RBL1: variants seen among roughly 807,000 people sequenced by gnomAD.
RBL1 encodes the protein RB transcriptional corepressor like 1.
Under a neutral mutation model 123.0 loss-of-function variants are expected in RBL1, and 82 were observed. The ratio of observed to expected loss-of-function variants is 0.67; its 90% CI spans 0.56 to 0.80. RBL1 has a LOEUF of 0.80. RBL1 is among the 30% of genes least tolerant of loss of function. The probability of loss-of-function intolerance (pLI) is 0.00; values close to 1 mark genes in which losing one functional copy is unlikely to be tolerated. For missense variants in RBL1, 1,171 were observed against 1,299.6 expected (o/e 0.90, Z 1.52); for synonymous variants, 405 against 441.3 (o/e 0.92, Z 1.03).
At chr20:37,065,306 G>C in intron 7 of RBL1, 118 bp downstream of exon 7, 1 of 668,172 alleles carries the variant, frequency 1.5e-6, no homozygotes, top group Non-Finnish European at 2.5e-6. Flanking sequence ...CACTAAAGCA[G>C]AGAGAACTTG....
At chr20:37,049,733 AAACT>A (rs769022172) in intron 11 of RBL1, 1 of 598,668 alleles carries the variant, frequency 1.7e-6, no homozygotes, top group Non-Finnish European at 3.0e-6. Flanking sequence ...TAAAAGATAT[AAACT>A]AACATTTAAA....
intron 17 of RBL1, among the ~76,000 whole-genome samples, chr20:37,021,152 A>C (rs916466403): frequency 6.6e-6 from 1 of 152,226 alleles, no homozygotes; most frequent in African/African-American, 2.4e-5. Context: ...CTGAGTGGCT[A>C]TTACAGGATT....
intron 9 of RBL1, among the ~76,000 whole-genome samples, chr20:37,059,222 C>CA (rs1309550497): frequency 6.6e-6 from 1 of 152,170 alleles, no homozygotes; most frequent in Admixed American, 6.5e-5. Context: ...ATCTTACTGG[C>CA]AGTATGCTTT....
chr20:37,001,019 G>C (rs1291791208), intron 21 of RBL1, among the ~76,000 whole-genome samples: 3 of 142,322 alleles, frequency 2.1e-5, no homozygotes, highest in Non-Finnish European at 4.6e-5. Flanking sequence ...ATCCGGGAGG[G>C]AGGTGGGGGG....
chr20:37,049,784 C>T (rs1408535363), intron 11 of RBL1: 1 of 501,094 alleles, frequency 2.0e-6, no homozygotes, highest in Non-Finnish European at 3.5e-6. Flanking sequence ...GAAAAAAGGC[C>T]AGACATGGTG....
At chr20:37,031,723 G>C (rs986060261) in intron 16 of RBL1, among the ~76,000 whole-genome samples, 2 of 152,054 alleles carry the variant, frequency 1.3e-5, no homozygotes, top group Admixed American at 1.3e-4. Flanking sequence ...GCAGAGACTT[G>C]AATAGATATT....
intron 16 of RBL1, among the ~76,000 whole-genome samples, chr20:37,029,037 G>C (rs2064465531): frequency 6.6e-6 from 1 of 152,052 alleles, no homozygotes; most frequent in African/African-American, 2.4e-5. Context: ...TAGAAGGTAA[G>C]GATAATTTAA....
intron 21 of RBL1, among the ~76,000 whole-genome samples, chr20:36,999,499 GTCTCCC>G (rs1170137801): frequency 2.1e-5 from 3 of 141,972 alleles, no homozygotes; most frequent in Non-Finnish European, 4.7e-5. Context: ...TCTCCCCACG[GTCTCCC>G]TCTCCCTCTC....
chr20:37,009,082 T>A (rs561552694), intron 19 of RBL1, among the ~76,000 whole-genome samples: 1 of 151,812 alleles, frequency 6.6e-6, no homozygotes, highest in East Asian at 1.9e-4. Context: ...TGGAGTGCAG[T>A]GGTGCAATCT....
chr20:37,043,510 G>GA (rs1214854890), intron 13 of RBL1, among the ~76,000 whole-genome samples: 5 of 149,090 alleles, frequency 3.4e-5, no homozygotes, highest in South Asian at 2.2e-4. Context: ...AAAACAGAAA[G>GA]AAAAAAAAAT....
At chr20:37,013,320 G>T (rs1036786408) in intron 19 of RBL1, among the ~76,000 whole-genome samples, 2 of 151,468 alleles carry the variant, frequency 1.3e-5, no homozygotes, top group Non-Finnish European at 2.9e-5. Flanking sequence ...AACATGTGCT[G>T]TGTCCACTCA....
Position 36,998,679 on chromosome 20 carries a change from G to A in RBL1, c.*80C>T, listed in dbSNP as rs2063915348. The A allele has an allele frequency of 1.5e-6, 2 of 1,312,974 alleles. No homozygotes were observed. Among genetic ancestry groups the A allele is most frequent in the East Asian group, 4.8e-5 (2 of 41,852 alleles). The allele number at this position is 1,312,974 out of a possible 1,614,324, so 81.3% of individuals were successfully genotyped here. On this transcript the variant is annotated 3_prime_UTR_variant, in exon 22 of 22. Coordinates refer to ENST00000373664, the MANE Select transcript of RBL1 (RefSeq NM_002895.5). ...CCCAGTGATATTTATCATCTATAGGGCTAAAAGGTTTGAAGGACAGAGCTC... is the reference window on the plus strand; with the variant it reads ...CCCAGTGATATTTATCATCTATAGGACTAAAAGGTTTGAAGGACAGAGCTC...
chr20:37,012,320 C>T lies in RBL1; in HGVS notation c.2723-4761G>A, dbSNP rs1339868884. ...GAAGTGAGGAGCGTCTCTGCCTGGC[C>T]GCCCATCGTCTGGGATGTGAGGAGC... On this transcript the variant is annotated intron_variant, in intron 19 of 21. Transcript: ENST00000373664. 1.1e-4 allele frequency among the ~76,000 whole-genome samples: 16 copies of T among 151,526 alleles called. No homozygotes were observed. The South Asian group carries it at 3.1e-3, about 30-fold the overall frequency.
intron 19 of RBL1, among the ~76,000 whole-genome samples, chr20:37,007,781 G>C (rs558934526): frequency 1.3e-5 from 2 of 152,022 alleles, no homozygotes; most frequent in East Asian, 3.9e-4. Flanking sequence ...AGTAGAGACG[G>C]GGTTTTGCCA....
intron 11 of RBL1, among the ~76,000 whole-genome samples, chr20:37,050,049 C>G (rs1249886273): frequency 7.7e-6 from 1 of 130,464 alleles, no homozygotes; most frequent in Non-Finnish European, 1.6e-5. Context: ...GCAACAAGAG[C>G]GAAACTCCAT....
chr20:37,015,063 CAA>C (rs1185151735), intron 19 of RBL1, among the ~76,000 whole-genome samples: 43 of 70,310 alleles, frequency 6.1e-4, no homozygotes, highest in Non-Finnish European at 8.4e-4. Flanking sequence ...GACTGTATCT[CAA>C]AAAAAAAAAA....
At chr20:37,042,587 G>A (rs1301933596) in intron 13 of RBL1, among the ~76,000 whole-genome samples, 1 of 152,036 alleles carries the variant, frequency 6.6e-6, no homozygotes, top group East Asian at 1.9e-4. Flanking sequence ...GTGCCTGAAT[G>A]TTCATAGCAG....
intron 19 of RBL1, among the ~76,000 whole-genome samples, chr20:37,009,551 G>A (rs2064121622): frequency 6.6e-6 from 1 of 151,724 alleles, no homozygotes; most frequent in Admixed American, 6.6e-5. Context: ...GTAGAGACAG[G>A]GTCTCCCTAT....
In RBL1 at chr20:37,044,259, G is replaced by A. The variant is rs2146266453; in HGVS notation, c.1606-9C>T. 6.2e-7 allele frequency: 1 copy of A among 1,613,376 alleles called. No homozygotes were observed. Among genetic ancestry groups the A allele is most frequent in the Non-Finnish European group, 8.5e-7 (1 of 1,179,724 alleles). ...ATCACCACCTCAATAACCTGCAGAGGAGAAAGTGAGAAGGCAATGTGGTTT... is the reference window on the plus strand; with the variant it reads ...ATCACCACCTCAATAACCTGCAGAGAAGAAAGTGAGAAGGCAATGTGGTTT... On this transcript the variant is annotated splice_polypyrimidine_tract_variant and intron_variant, in intron 12 of 21. Transcript: ENST00000373664.
Sources: gnomAD v4.1 joint callset for allele counts (sites outside exome capture counted in the v4.1 genomes callset) on GRCh38, gnomAD v4.1.1 for gene constraint, MANE v1.5 for transcripts, NCBI Gene and HGNC (gene_info 2026-07-23, HGNC 2026-07-21) for gene names.